VPS13B: variants seen among roughly 807,000 people sequenced by gnomAD.
VPS13B encodes the protein intermembrane lipid transfer protein VPS13B.
Under a neutral mutation model 426.4 loss-of-function variants are expected in VPS13B, and 285 were observed. The ratio of observed to expected loss-of-function variants is 0.67; its 90% confidence interval spans 0.61 to 0.74. The LOEUF (loss-of-function observed/expected upper bound fraction) is 0.74. Ranked by LOEUF, VPS13B falls within the 30% of genes least tolerant of loss-of-function variation. The probability of loss-of-function intolerance (pLI) is 0.00; values close to 1 mark genes in which losing one functional copy is unlikely to be tolerated. For synonymous variants in VPS13B, 1,676 were observed against 1,676.4 expected (o/e 1.00, Z 0.01); for missense variants, 4,537 against 4,782.6 (o/e 0.95, Z 1.51).
At chr8:99,577,054 G>A (rs199932505) in intron 32 of VPS13B, among the ~76,000 whole-genome samples, 15 of 152,164 alleles carry the variant, frequency 9.9e-5, no homozygotes, top group East Asian at 3.9e-4. Flanking sequence ...CTTCAAGGCC[G>A]ACATTATTCT....
chr8:99,198,409 G>C (rs1231960804), intron 17 of VPS13B, among the ~76,000 whole-genome samples: 2 of 151,824 alleles, frequency 1.3e-5, no homozygotes, highest in African/African-American at 4.8e-5. Context: ...ATTTGTGTTA[G>C]TAAGCTCATG....
At chr8:99,682,670 G>T (rs933000621) in intron 35 of VPS13B, among the ~76,000 whole-genome samples, 4 of 152,128 alleles carry the variant, frequency 2.6e-5, no homozygotes, top group Admixed American at 6.5e-5. Flanking sequence ...TCAGCATTGT[G>T]GTGGCCACTG....
intron 21 of VPS13B, among the ~76,000 whole-genome samples, chr8:99,410,362 C>T (rs1171711297): frequency 2.0e-5 from 3 of 152,020 alleles, no homozygotes; most frequent in African/African-American, 7.2e-5. Flanking sequence ...TCACACTAAA[C>T]TACTTACAAT....
intron 3 of VPS13B, among the ~76,000 whole-genome samples, chr8:99,085,249 T>C (rs1349396256): frequency 6.6e-6 from 1 of 152,230 alleles, no homozygotes; most frequent in Non-Finnish European, 1.5e-5. Context: ...GTTTAAGGTC[T>C]GTTTTATCAG....
chr8:99,136,657 G>T lies in VPS13B; in HGVS notation c.1564-8G>T, dbSNP rs2132559174. 4 of 1,613,358 alleles carry T rather than the reference G, an allele frequency of 2.5e-6. No homozygotes were observed. The highest frequency in any genetic ancestry group is 8.5e-7 in the Non-Finnish European group (1 of 1,179,498). ...ATGTTTATTCTGTTTGCATTGCTTT[G>T]TTGGCAGGAGACATACACTGAGATA... On this transcript the variant is annotated splice_polypyrimidine_tract_variant and splice_region_variant and intron_variant, in intron 11 of 61. Coordinates refer to ENST00000357162, the MANE Select transcript of VPS13B (RefSeq NM_152564.5).
chr8:99,351,824 G>A (rs1343629899), intron 19 of VPS13B, among the ~76,000 whole-genome samples: 1 of 152,122 alleles, frequency 6.6e-6, no homozygotes. Context: ...CCTTTGTTAT[G>A]AGTTCTGTTA....
rs1379798148 is a variant in VPS13B at position 99,610,603 on chromosome 8, G to A, written c.5221-31208G>A. On this transcript the variant is annotated intron_variant, in intron 33 of 61. Transcript: ENST00000357162. Reference sequence around the variant, plus strand: ...GGCCTGTCAGGGGGTGGGGGGCTAGGGGAGGGATAGCATTAGGAGAAATAC... The same window carrying A: ...GGCCTGTCAGGGGGTGGGGGGCTAGAGGAGGGATAGCATTAGGAGAAATAC... Among the ~76,000 whole-genome samples the A allele has an allele frequency of 4.6e-5, 7 of 152,006 alleles. No homozygotes were observed. The South Asian group carries it at 1.2e-3, about 27-fold the overall frequency.
intron 33 of VPS13B, among the ~76,000 whole-genome samples, chr8:99,598,345 A>G (rs1029193108): frequency 6.6e-6 from 1 of 152,094 alleles, no homozygotes; most frequent in Non-Finnish European, 1.5e-5. Context: ...GTAAGGAAAT[A>G]TCTGTACTAT....
At chr8:99,517,280 G>C (rs1563772154) in intron 29 of VPS13B, among the ~76,000 whole-genome samples, 2 of 152,156 alleles carry the variant, frequency 1.3e-5, no homozygotes, top group Non-Finnish European at 2.9e-5. Flanking sequence ...TTATCTGACA[G>C]TTGCATGAAA....
At chr8:99,329,696 C>T (rs1810455531) in intron 19 of VPS13B, among the ~76,000 whole-genome samples, 2 of 152,006 alleles carry the variant, frequency 1.3e-5, no homozygotes, top group Non-Finnish European at 2.9e-5. Context: ...CTTTATCTTT[C>T]TGTTTTTCCT....
chr8:99,623,591 G>A (rs557247409), intron 33 of VPS13B, among the ~76,000 whole-genome samples: 42 of 152,162 alleles, frequency 2.8e-4, no homozygotes, highest in Middle Eastern at 6.8e-3. Context: ...ATGAATCACC[G>A]CAAAGAAGTT....
At chr8:99,872,641 C>T (rs916979844) in intron 61 of VPS13B, among the ~76,000 whole-genome samples, 31 of 152,308 alleles carry the variant, frequency 2.0e-4, no homozygotes, top group African/African-American at 7.2e-4. Context: ...TAATTATTTA[C>T]CTAAATAATA....
chr8:99,036,396 A>G (rs1842749126), intron 2 of VPS13B, among the ~76,000 whole-genome samples: 1 of 152,208 alleles, frequency 6.6e-6, no homozygotes, highest in Non-Finnish European at 1.5e-5. Flanking sequence ...TTGTAGACAT[A>G]TATTTCAAGA....
At chr8:99,479,450 T>A (rs1351989954) in intron 24 of VPS13B, among the ~76,000 whole-genome samples, 2 of 152,202 alleles carry the variant, frequency 1.3e-5, no homozygotes, top group Non-Finnish European at 2.9e-5. Flanking sequence ...TAGGGATTTT[T>A]AAAAAATGTT....
chr8:99,042,140 C>CAA (rs926270480), intron 3 of VPS13B, among the ~76,000 whole-genome samples: 2 of 130,812 alleles, frequency 1.5e-5, no homozygotes, highest in East Asian at 2.2e-4. Flanking sequence ...AACTCCATCT[C>CAA]AAAAAAAAAA....
chr8:99,624,247 C>T lies in VPS13B; in HGVS notation c.5221-17564C>T, dbSNP rs112664972. ...ATTTTTTCTTTTGATGTAGTAAGAA[C>T]ATTTTTCTGTATAAAATAGTCCATT... On this transcript the variant is annotated intron_variant, in intron 33 of 61. Transcript: ENST00000357162. Among the ~76,000 whole-genome samples the T allele has an allele frequency of 1.3e-3, 203 of 151,918 alleles. 1 individual carries two copies. The highest frequency in any genetic ancestry group is 4.7e-3 in the African/African-American group (195 of 41,446).
chr8:99,843,485 C>T (rs1017299296), intron 54 of VPS13B, among the ~76,000 whole-genome samples: 2 of 152,200 alleles, frequency 1.3e-5, no homozygotes, highest in African/African-American at 4.8e-5. Flanking sequence ...AAGCGATGCT[C>T]AGTCTGTATG....
intron 35 of VPS13B, among the ~76,000 whole-genome samples, chr8:99,666,587 G>T (rs1172398508): frequency 1.3e-5 from 2 of 152,038 alleles, no homozygotes; most frequent in South Asian, 4.1e-4. Context: ...ATGCAGAAAA[G>T]GCCTTTGACA....
At chr8:99,534,302 A>T (rs1184940724) in intron 30 of VPS13B, among the ~76,000 whole-genome samples, 1 of 152,186 alleles carries the variant, frequency 6.6e-6, no homozygotes, top group Non-Finnish European at 1.5e-5. Context: ...AGCTACCTCA[A>T]CAACAGTGTT....
Sources: allele counts gnomAD v4.1 joint callset (sites outside exome capture counted in the v4.1 genomes callset), GRCh38; gene constraint gnomAD v4.1.1; transcripts MANE v1.5; gene names NCBI Gene and HGNC (gene_info 2026-07-23, HGNC 2026-07-21).